The following ITGA11 variants were observed in gnomAD, a reference collection of about 807,000 sequenced individuals.
ITGA11 encodes the protein integrin alpha-11.
A neutral mutation model predicts 141.9 loss-of-function variants in ITGA11; 97 were observed. The observed-to-expected ratio is 0.68, with a 90% CI of 0.58 to 0.81. The LOEUF is 0.81. ITGA11 is among the 30% of genes least tolerant of loss of function. The pLI is 0.00. For missense variants in ITGA11, 1,387 were observed against 1,559.2 expected, an observed-to-expected ratio of 0.89 and a Z score of 1.86; for synonymous variants, 658 against 624.6, an observed-to-expected ratio of 1.05 and a Z score of -0.80.
chr15:68,339,621 G>A lies in ITGA11; in HGVS notation c.1155C>T (p.Val385=), dbSNP rs756685095. Residue 385 remains valine (V), a synonymous_variant, in exon 11 of 30, where the codon GTC becomes GTT. Coordinates refer to ENST00000315757, the MANE Select transcript of ITGA11 (RefSeq NM_001004439.2). ...VVEDGVLLGA[V]GAYDWNGAVL... ...CAGCTCCATTCCAGTCATAGGCACC[G>A]ACGGCTCCCAGCAGAACCCCATCCT... is the stretch of plus-strand genomic sequence containing the variant. The A allele has an allele frequency of 1.2e-5, 19 of 1,613,818 alleles. No homozygotes were observed. The highest frequency in any genetic ancestry group is 1.1e-4 in the East Asian group (5 of 44,886).
At chr15:68,359,467 G>A (rs937734469) in intron 5 of ITGA11, among the ~76,000 whole-genome samples, 4 of 152,132 alleles carry the variant, frequency 2.6e-5, no homozygotes, top group South Asian at 4.1e-4. Context: ...CCAACATGGC[G>A]AAACCCCGTC....
chr15:68,411,334 C>A (rs1402161040), intron 1 of ITGA11, among the ~76,000 whole-genome samples: 1 of 152,198 alleles, frequency 6.6e-6, no homozygotes, highest in African/African-American at 2.4e-5. Flanking sequence ...GAGGCCTCAC[C>A]CAGGCTTATC....
chr15:68,374,305 C>T (rs11630977), intron 2 of ITGA11, among the ~76,000 whole-genome samples: 117,856 of 152,184 alleles, frequency 0.77, 46,197 homozygotes, highest in East Asian at 0.9. Flanking sequence ...CTGTGTGCAT[C>T]CCACATATAA....
chr15:68,376,070 G>A (rs1895719655), intron 2 of ITGA11, among the ~76,000 whole-genome samples: 1 of 152,184 alleles, frequency 6.6e-6, no homozygotes, highest in African/African-American at 2.4e-5. Context: ...AGGAGACACT[G>A]ATGCATGCTT....
intron 18 of ITGA11, among the ~76,000 whole-genome samples, chr15:68,323,221 G>A (rs1447008380): frequency 6.6e-6 from 1 of 152,178 alleles, no homozygotes; most frequent in Non-Finnish European, 1.5e-5. Flanking sequence ...CATATCCAGG[G>A]GTCACCGTGG....
intron 22 of ITGA11, 108 bp downstream of exon 22, chr15:68,315,543 A>T: frequency 2.1e-6 from 2 of 939,620 alleles, no homozygotes; most frequent in African/African-American, 3.3e-5. Flanking sequence ...AGTGGGGGAC[A>T]GGGCGTGGGG....
intron 16 of ITGA11, among the ~76,000 whole-genome samples, chr15:68,327,218 C>T (rs1316471591): frequency 1.3e-5 from 2 of 152,152 alleles, no homozygotes; most frequent in Non-Finnish European, 2.9e-5. Context: ...CTTCCTCTCA[C>T]ACCAAGGAGG....
chr15:68,313,238 G>A (rs568286373), intron 23 of ITGA11, among the ~76,000 whole-genome samples: 14 of 151,018 alleles, frequency 9.3e-5, no homozygotes, highest in African/African-American at 3.4e-4. Context: ...CGCATCTGCT[G>A]TTCTGCCCTG....
intron 2 of ITGA11, among the ~76,000 whole-genome samples, chr15:68,374,665 C>T (rs1035010512): frequency 1.3e-5 from 2 of 152,184 alleles, no homozygotes; most frequent in Admixed American, 6.5e-5. Context: ...GAGCCAAGGC[C>T]ATGAATTGAG....
chr15:68,328,207 T>C lies in ITGA11; in HGVS notation c.1957A>G (p.Asn653Asp). ...CGCTTGCAGTCTCTGTGGAAGATGT[T>C]GATCTTGGATGGCTCAAAGTGGAGG... ...ASLHFEPSKI[N>D]IFHRDCKRSG... is the part of the protein sequence containing the mutation. The change falls in exon 16 of 30, where the codon AAC (asparagine) becomes GAC (aspartate). Residue 653 changes from asparagine (N) to aspartate (D), a missense_variant. By Grantham distance (23) the Asn-to-Asp change is conservative. Transcript: ENST00000315757. The surrounding 1 kb of genome is among the most constrained non-coding windows in gnomAD (Gnocchi z 4.8). The C allele has an allele frequency of 1.2e-6, 2 of 1,613,812 alleles. No homozygotes were observed. The highest frequency in any genetic ancestry group is 1.7e-4 in the Middle Eastern group (1 of 6,060).
At position 68,302,339 on chromosome 15, in the gene ITGA11, G is replaced by GA. The variant is rs1445232458; in HGVS notation, c.*719dup. 3 of 152,434 alleles carry GA rather than the reference G, an allele frequency of 2.0e-5. No homozygotes were observed. The highest frequency in any genetic ancestry group is 4.4e-5 in the Non-Finnish European group (3 of 68,226). 9.4% of individuals were successfully genotyped at this position (152,434 alleles called of 1,614,324 possible). Reference sequence around the variant, plus strand: ...GAGCAAGGGGCTGCAGCTGGTGGGGGAATGTGTGAGTTGCGGTCAATGTGA... The same window carrying GA: ...GAGCAAGGGGCTGCAGCTGGTGGGGGAAATGTGTGAGTTGCGGTCAATGTGA... On this transcript the variant is annotated 3_prime_UTR_variant, in exon 30 of 30. Transcript: ENST00000315757.
At chr15:68,425,041 C>G (rs552347591) in intron 1 of ITGA11, among the ~76,000 whole-genome samples, 1 of 152,204 alleles carries the variant, frequency 6.6e-6, no homozygotes, top group Non-Finnish European at 1.5e-5. Flanking sequence ...AGGCAGAGAC[C>G]GCGCTTTATC....
At chr15:68,427,037 A>AC (rs1897159938) in intron 1 of ITGA11, among the ~76,000 whole-genome samples, 1 of 150,698 alleles carries the variant, frequency 6.6e-6, no homozygotes, top group Admixed American at 6.6e-5. Context: ...AAAAAAAAAA[A>AC]AAAAGGCAGT....
At chr15:68,332,239 G>A in intron 13 of ITGA11, 99 bp downstream of exon 13, 2 of 1,409,060 alleles carry the variant, frequency 1.4e-6, no homozygotes, top group Non-Finnish European at 1.9e-6. Flanking sequence ...CCTGGCTCCA[G>A]CACTGGCCTC....
intron 1 of ITGA11, among the ~76,000 whole-genome samples, chr15:68,416,393 G>A (rs1188458868): frequency 2.0e-5 from 3 of 152,160 alleles, no homozygotes; most frequent in Admixed American, 2.0e-4. Context: ...CCGGAGACAG[G>A]GAGACAGAGA....
At chr15:68,413,676 G>C (rs145793030) in intron 1 of ITGA11, among the ~76,000 whole-genome samples, 38 of 152,170 alleles carry the variant, frequency 2.5e-4, no homozygotes, top group African/African-American at 8.4e-4. Flanking sequence ...TTGTAACATC[G>C]AAGACCCACC....
chr15:68,350,583 G>C lies in ITGA11; in HGVS notation c.1060+34C>G, dbSNP rs765666867. The C allele has an allele frequency of 5.2e-5, 83 of 1,595,072 alleles. 1 individual carries two copies. In the Admixed American group the frequency reaches 1.1e-3, roughly 20 times the overall value. ...GGGTTTACCTGACATAAGCCCAGGA[G>C]AGAGTGGATCCCCTCTTAGCATGCA... On this transcript the variant is annotated intron_variant, in intron 9 of 29. Coordinates refer to ENST00000315757, the MANE Select transcript of ITGA11 (RefSeq NM_001004439.2).
At chr15:68,323,212 A>G (rs1893866071) in intron 18 of ITGA11, among the ~76,000 whole-genome samples, 2 of 152,184 alleles carry the variant, frequency 1.3e-5, no homozygotes, top group Non-Finnish European at 2.9e-5. Context: ...CAGCGAAGCC[A>G]TATCCAGGGG....
rs1211210526 is a variant in ITGA11, at chr15:68,307,080, G to T, written c.3381+268C>A. The stretch of plus-strand genomic sequence containing the variant: ...ATCTGCTTTTACGCAACTAACAGAG[G>T]CTGATACCGAGGCATCTCCCATCCT... On this transcript the variant is annotated intron_variant, in intron 28 of 29. Transcript: ENST00000315757. The surrounding 1 kb of genome is among the most constrained non-coding windows in gnomAD (Gnocchi z 6.1). 6.6e-6 allele frequency among the ~76,000 whole-genome samples: 1 copy of T among 152,154 alleles called. No individual in the cohort carries two copies. Among genetic ancestry groups the T allele is most frequent in the African/African-American group, 2.4e-5 (1 of 41,428 alleles).
Sources: gnomAD v4.1 joint callset for allele counts (sites outside exome capture counted in the v4.1 genomes callset) on GRCh38, gnomAD v4.1.1 for gene constraint, Gnocchi (gnomAD v3.1) non-coding constraint, MANE v1.5 for transcripts, NCBI Gene and HGNC (gene_info 2026-07-23, HGNC 2026-07-21) for gene names.